The following PTPRD variants were observed in gnomAD, a reference collection of about 807,000 sequenced individuals.
The protein encoded by PTPRD is protein tyrosine phosphatase receptor type D, also known as receptor-type tyrosine-protein phosphatase delta.
Under a neutral mutation model 214.5 loss-of-function variants are expected in PTPRD, and 34 were observed. The ratio of observed to expected loss-of-function variants is 0.16; its 90% CI spans 0.12 to 0.21. The LOEUF is 0.21. Ranked by LOEUF, PTPRD falls within the 10% of genes least tolerant of loss-of-function variation. The probability of loss-of-function intolerance (pLI) is 1.00; values close to 1 mark genes in which losing one functional copy is unlikely to be tolerated. For missense variants in PTPRD, 2,545 were observed against 2,398.7 expected (o/e 1.06, Z -1.27); for synonymous variants, 1,128 against 845.7 (o/e 1.33, Z -5.79).
chr9:8,681,407 T>C (rs2154372744), intron 12 of PTPRD, among the ~76,000 whole-genome samples: 1 of 152,262 alleles, frequency 6.6e-6, no homozygotes, highest in Admixed American at 6.5e-5. Flanking sequence ...CAGTTTTACA[T>C]ATTTTGGAAC....
Position 9,751,611 on chromosome 9 carries a change from C to T in PTPRD, c.-326+15199G>A, listed in dbSNP as rs184834174. Among the ~76,000 whole-genome samples, 11 of 152,152 alleles carry T rather than the reference C, an allele frequency of 7.2e-5. No homozygotes were observed. The East Asian group carries it at 2.1e-3, about 29-fold the overall frequency. On this transcript the variant is annotated intron_variant, in intron 6 of 45. Transcript: ENST00000381196. ...GGGATGGACCACTTATCCAACATAACTAGCGTCCTTTTAAAAAGAATAACG... is the reference window on the plus strand; with the variant it reads ...GGGATGGACCACTTATCCAACATAATTAGCGTCCTTTTAAAAAGAATAACG...
intron 11 of PTPRD, among the ~76,000 whole-genome samples, chr9:8,934,477 AAAT>A (rs1567099997): frequency 1.2e-3 from 9 of 7,706 alleles, no homozygotes; most frequent in African/African-American, 4.1e-3. Flanking sequence ...ATATATATAT[AAAT>A]ATATATATAT....
intron 11 of PTPRD, among the ~76,000 whole-genome samples, chr9:9,018,229 G>A (rs1322974793): frequency 6.6e-6 from 1 of 152,018 alleles, no homozygotes; most frequent in Non-Finnish European, 1.5e-5. Context: ...ACTCTCTGGT[G>A]TTAACAGAAT....
chr9:9,522,194 A>G (rs2096995535), intron 8 of PTPRD, among the ~76,000 whole-genome samples: 1 of 150,346 alleles, frequency 6.7e-6, no homozygotes, highest in Non-Finnish European at 1.5e-5. Context: ...AAATCAGTCT[A>G]TAATTTTGCA....
At chr9:8,794,461 T>C (rs897449863) in intron 11 of PTPRD, among the ~76,000 whole-genome samples, 4 of 151,852 alleles carry the variant, frequency 2.6e-5, no homozygotes, top group South Asian at 2.1e-4. Context: ...GACTGTCCAG[T>C]GGCACTTATA....
At chr9:8,935,893 A>G (rs1376299722) in intron 11 of PTPRD, among the ~76,000 whole-genome samples, 1 of 152,154 alleles carries the variant, frequency 6.6e-6, no homozygotes, top group African/African-American at 2.4e-5. Flanking sequence ...AAGATTCACA[A>G]TCCTTGTGTC....
chr9:8,961,646 T>G (rs968939784), intron 11 of PTPRD, among the ~76,000 whole-genome samples: 1 of 152,132 alleles, frequency 6.6e-6, no homozygotes, highest in Non-Finnish European at 1.5e-5. Flanking sequence ...TTGTGCCCCA[T>G]AGCTGAACAG....
intron 7 of PTPRD, among the ~76,000 whole-genome samples, chr9:9,684,178 C>T (rs978877314): frequency 6.6e-6 from 1 of 151,574 alleles, no homozygotes; most frequent in African/African-American, 2.4e-5. Flanking sequence ...AAAAAAAGAC[C>T]TTTTAACATT....
intron 11 of PTPRD, among the ~76,000 whole-genome samples, chr9:8,954,309 TA>T (rs1555594279): frequency 6.6e-6 from 1 of 151,372 alleles, no homozygotes; most frequent in Admixed American, 6.6e-5. Context: ...CACATGAACA[TA>T]AAAAAAGGAG....
intron 2 of PTPRD, among the ~76,000 whole-genome samples, chr9:10,501,169 G>A (rs902126355): frequency 6.6e-6 from 1 of 151,822 alleles, no homozygotes; most frequent in Non-Finnish European, 1.5e-5. Flanking sequence ...AGTGTAGTAG[G>A]GTTCCCTTTT....
intron 14 of PTPRD, among the ~76,000 whole-genome samples, chr9:8,587,227 T>C (rs2093734547): frequency 6.6e-6 from 1 of 152,232 alleles, no homozygotes; most frequent in African/African-American, 2.4e-5. Context: ...TTTATTTTTA[T>C]TTATTCAACT....
intron 14 of PTPRD, among the ~76,000 whole-genome samples, chr9:8,532,971 C>T (rs1234590777): frequency 2.0e-5 from 3 of 151,992 alleles, no homozygotes; most frequent in African/African-American, 2.4e-5. Flanking sequence ...ATTAACAACC[C>T]TGACCTACCC....
Position 8,331,583 on chromosome 9 carries a change from T to C in PTPRD, c.5533A>G (p.Ser1845Gly). ...CTTTATTCACAAATGGAAACTTACC[T>C]GCAATGGACTGAAATGGGTCCATCT... Reference protein sequence around the residue: ...GQDGPISVHCSAGVGRTGVFI... With the variant: ...GQDGPISVHCGAGVGRTGVFI... Residue 1845 changes from serine (S) to glycine (G), a missense_variant and splice_region_variant, in exon 44 of 46, where the codon AGC becomes GGC. By Grantham distance (56) the Ser-to-Gly change is moderately conservative. Coordinates refer to ENST00000381196, the MANE Select transcript of PTPRD (RefSeq NM_002839.4). 3.1e-6 allele frequency: 3 copies of C among 981,252 alleles called. No homozygotes were observed. Among genetic ancestry groups the C allele is most frequent in the South Asian group, 1.9e-5 (1 of 53,460 alleles). 60.8% of individuals were successfully genotyped at this position (981,252 alleles called of 1,614,324 possible).
At chr9:8,595,106 G>T (rs1306932541) in intron 14 of PTPRD, among the ~76,000 whole-genome samples, 1 of 150,356 alleles carries the variant, frequency 6.7e-6, no homozygotes, top group East Asian at 2.0e-4. Context: ...CTCATGATCT[G>T]CCCGCCTCGG....
At chr9:8,492,519 C>G (rs1406759799) in intron 27 of PTPRD, among the ~76,000 whole-genome samples, 3 of 150,620 alleles carry the variant, frequency 2.0e-5, no homozygotes, top group Non-Finnish European at 2.9e-5. Flanking sequence ...TAGTCCTATT[C>G]AGAAAGTGAA....
intron 11 of PTPRD, among the ~76,000 whole-genome samples, chr9:8,997,376 A>G (rs1430804139): frequency 3.9e-5 from 6 of 151,902 alleles, no homozygotes; most frequent in African/African-American, 1.5e-4. Flanking sequence ...CATTTAGGTA[A>G]TTTTCACAAT....
rs1325573952 is a variant in PTPRD at position 8,766,540 on chromosome 9, TA to T, written c.-103-32595del. On this transcript the variant is annotated intron_variant, in intron 11 of 45. Coordinates refer to ENST00000381196, the MANE Select transcript of PTPRD (RefSeq NM_002839.4). ...TCAAATAGAAAATTAATAATTTATCTATAATCATACAAATACACGACAATAA... is the reference window on the plus strand; with the variant it reads ...TCAAATAGAAAATTAATAATTTATCTTAATCATACAAATACACGACAATAA... 2.0e-5 allele frequency among the ~76,000 whole-genome samples: 3 copies of T among 152,324 alleles called. No individual in the cohort carries two copies. The East Asian group carries it at 5.8e-4, about 29-fold the overall frequency.
intron 5 of PTPRD, among the ~76,000 whole-genome samples, chr9:9,876,452 G>C (rs1178443353): frequency 6.6e-6 from 1 of 151,858 alleles, no homozygotes; most frequent in East Asian, 1.9e-4. Context: ...TCTCTTCAGG[G>C]CACCTACAAT....
chr9:8,542,265 A>T (rs968395692), intron 14 of PTPRD, among the ~76,000 whole-genome samples: 1 of 152,204 alleles, frequency 6.6e-6, no homozygotes, highest in Non-Finnish European at 1.5e-5. Context: ...AATTGGCATT[A>T]AAAAATGGCT....
Sources: gnomAD v4.1 joint callset for allele counts (sites outside exome capture counted in the v4.1 genomes callset) on GRCh38, gnomAD v4.1.1 for gene constraint, MANE v1.5 for transcripts, NCBI Gene and HGNC (gene_info 2026-07-23, HGNC 2026-07-21) for gene names.